Variants in SORBS2 observed in about 807,000 individuals in gnomAD.
The protein encoded by SORBS2 is sorbin and SH3 domain-containing protein 2.
Under a neutral mutation model 97.7 loss-of-function variants are expected in SORBS2, and 46 were observed. The ratio of observed to expected loss-of-function variants is 0.47; its 90% CI spans 0.37 to 0.60. The LOEUF is 0.60. Among genes scored for constraint, SORBS2 ranks in the 20% least tolerant of loss-of-function variants. The probability of loss-of-function intolerance (pLI) is 0.00; values close to 1 mark genes in which losing one functional copy is unlikely to be tolerated. For missense variants in SORBS2, 1,316 were observed against 1,282.3 expected, an observed-to-expected ratio of 1.03 and a Z score of -0.40; for synonymous variants, 476 against 473.4, an observed-to-expected ratio of 1.01 and a Z score of -0.07.
At chr4:185,719,971 A>G (rs1174592088) in intron 2 of SORBS2, among the ~76,000 whole-genome samples, 1 of 152,216 alleles carries the variant, frequency 6.6e-6, no homozygotes. Context: ...TGGGTGTGAG[A>G]GGAAATGCTG....
chr4:185,787,838 C>T (rs144744312), intron 1 of SORBS2, among the ~76,000 whole-genome samples: 56 of 152,288 alleles, frequency 3.7e-4, no homozygotes, highest in African/African-American at 1.2e-3. Flanking sequence ...TGTTATAGTT[C>T]TCACTTTTCA....
intron 1 of SORBS2, among the ~76,000 whole-genome samples, chr4:185,875,806 A>C (rs1274732215): frequency 6.6e-6 from 1 of 152,224 alleles, no homozygotes; most frequent in African/African-American, 2.4e-5. Flanking sequence ...CTTATCATAA[A>C]AGGCGTTCTA....
intron 1 of SORBS2, among the ~76,000 whole-genome samples, chr4:185,860,943 C>T (rs2099223366): frequency 6.6e-6 from 1 of 152,158 alleles, no homozygotes; most frequent in Non-Finnish European, 1.5e-5. Flanking sequence ...ATGCCAGACT[C>T]TTAGCTTATT....
intron 12 of SORBS2, among the ~76,000 whole-genome samples, chr4:185,596,748 T>G (rs1035471257): frequency 6.6e-6 from 1 of 152,048 alleles, no homozygotes; most frequent in African/African-American, 2.4e-5. Flanking sequence ...TTAGCCAGGA[T>G]GGTCTCGATC....
rs780836599 is a variant in SORBS2 at position 185,624,140 on chromosome 4, T to C, written c.989A>G (p.Tyr330Cys). The change falls in exon 7 of 15, where the codon TAC becomes TGC. Residue 330 changes from tyrosine to cysteine, a missense_variant. By Grantham distance (194) the Tyr-to-Cys change is radical. Coordinates refer to ENST00000418609, the Ensembl canonical transcript of SORBS2. The stretch of plus-strand genomic sequence containing the variant: ...GCCGTTACTGCGAACCTCCGGGACG[T>C]AGGGGGACCCCCACGCCATGGGGCA... 14 of 1,614,044 alleles carry C rather than the reference T, an allele frequency of 8.7e-6. No homozygotes were observed. In the African/African-American group the frequency reaches 1.3e-4, roughly 15 times the overall value.
rs1200094039 is a variant in SORBS2 at position 185,694,706 on chromosome 4, C to CTTTTT, written c.-197-15885_-197-15884insAAAAA. 4.7e-4 allele frequency among the ~76,000 whole-genome samples: 59 copies of CTTTTT among 124,236 alleles called. 3 individuals are homozygous for CTTTTT. The highest frequency in any genetic ancestry group is 8.0e-4 in the East Asian group (3 of 3,772). 81.5% of individuals were successfully genotyped at this position (124,236 alleles called of 152,430 possible). On this transcript the variant is annotated intron_variant, in intron 2 of 20. Coordinates refer to the SORBS2 transcript ENST00000284776. ...TTTCTTTTTCTTTTTCCTTTTCTTT[C>CTTTTT]TTTTCTTTTCTTTTTTTTGAGACGG...
Position 185,606,584 on chromosome 4 carries a change from C to T in SORBS2, c.2796+5196G>A. 1 of 985,216 alleles carries T rather than the reference C, an allele frequency of 1.0e-6. No individual in the cohort carries two copies. The highest frequency in any genetic ancestry group is 1.2e-6 in the Non-Finnish European group (1 of 829,904). 61.0% of individuals were successfully genotyped at this position (985,216 alleles called of 1,614,324 possible). On this transcript the variant is annotated intron_variant, in intron 12 of 14. Coordinates refer to ENST00000418609, the Ensembl canonical transcript of SORBS2. The surrounding 1 kb of genome is among the most constrained non-coding windows in gnomAD (Gnocchi z 4.3). Reference sequence around the variant, plus strand: ...TCCATAATCAGACAAAATTAAAATACCTCATTACTGGGTTTTGCTGCATTG... The same window carrying T: ...TCCATAATCAGACAAAATTAAAATATCTCATTACTGGGTTTTGCTGCATTG...
intron 2 of SORBS2, chr4:185,771,841 G>C (rs926668917): frequency 2.6e-5 from 4 of 152,172 alleles, no homozygotes; most frequent in Non-Finnish European, 4.4e-5. Context: ...TCAGATCTTA[G>C]TGTCCTGGGT....
At chr4:185,600,259 A>T (rs1435114093) in intron 12 of SORBS2, among the ~76,000 whole-genome samples, 1 of 152,228 alleles carries the variant, frequency 6.6e-6, no homozygotes, top group Non-Finnish European at 1.5e-5. Flanking sequence ...TGGCACCCAC[A>T]GGCACAGCAG....
intron 1 of SORBS2, among the ~76,000 whole-genome samples, chr4:185,897,589 C>A (rs747439927): frequency 6.6e-6 from 1 of 152,154 alleles, no homozygotes; most frequent in Non-Finnish European, 1.5e-5. Flanking sequence ...TTCAGCGAAC[C>A]TTCAGAGGGT....
chr4:185,674,634 G>A (rs2097767031), intron 4 of SORBS2, among the ~76,000 whole-genome samples: 1 of 152,094 alleles, frequency 6.6e-6, no homozygotes, highest in South Asian at 2.1e-4. Context: ...GGCTTATAAG[G>A]CCTCCTGTCA....
intron 4 of SORBS2, among the ~76,000 whole-genome samples, chr4:185,662,841 AC>A (rs1466333912): frequency 1.3e-5 from 2 of 152,202 alleles, no homozygotes; most frequent in Non-Finnish European, 2.9e-5. Flanking sequence ...GCTTCTCCCT[AC>A]TTCAGCCTCA....
chr4:185,765,444 G>GAT, intron 2 of SORBS2, among the ~76,000 whole-genome samples: 1 of 152,048 alleles, frequency 6.6e-6, no homozygotes, highest in Non-Finnish European at 1.5e-5. Flanking sequence ...TTATGATGTG[G>GAT]ACACAAATGA....
At position 185,684,480 on chromosome 4, in the gene SORBS2, G is replaced by A. The variant is rs1381424780; in HGVS notation, c.-197-5658C>T. On this transcript the variant is annotated intron_variant, in intron 2 of 20. Transcript: ENST00000284776. This position sits in a 1 kb window ranked among gnomAD's most constrained non-coding sequence, Gnocchi z 4.2. ...GTACCCCTGTACCCCTACCCCAAAA[G>A]TTTTTAGGTTAAAAAAAAAAACCCC... 6.6e-6 allele frequency among the ~76,000 whole-genome samples: 1 copy of A among 150,536 alleles called. No individual in the cohort carries two copies. Among genetic ancestry groups the A allele is most frequent in the Admixed American group, 6.6e-5 (1 of 15,124 alleles).
intron 1 of SORBS2, among the ~76,000 whole-genome samples, chr4:185,793,898 C>G (rs2099092927): frequency 6.6e-6 from 1 of 152,228 alleles, no homozygotes; most frequent in African/African-American, 2.4e-5. Flanking sequence ...AGCGGCCACA[C>G]CTCCTCGAAA....
chr4:185,837,630 C>G lies in SORBS2; in HGVS notation c.-337-62264G>C, dbSNP rs188192140. On this transcript the variant is annotated intron_variant, in intron 1 of 20. Transcript: ENST00000284776. The stretch of plus-strand genomic sequence containing the variant: ...CTATTTAAACTTAGAAACGGAACCT[C>G]TAATACAATTGTTAACATTCCTGCA... 4.2e-3 allele frequency among the ~76,000 whole-genome samples: 638 copies of G among 152,238 alleles called. 6 individuals carry two copies. Among genetic ancestry groups the G allele is most frequent in the Middle Eastern group, 0.01 (3 of 294 alleles).
rs1385012765 is a variant in SORBS2 at position 185,944,919 on chromosome 4, G to A, written c.-338+11277C>T. On this transcript the variant is annotated intron_variant, in intron 1 of 20. Transcript: ENST00000284776. ...TCAAACCCTGTTACAAAACCACTCT[G>A]TCACTGAATTTCTCCAATGCAGCAG... 2.0e-5 allele frequency among the ~76,000 whole-genome samples: 3 copies of A among 152,126 alleles called. No individual in the cohort carries two copies. In the East Asian group the frequency reaches 5.8e-4, roughly 29 times the overall value.
At chr4:185,910,377 C>T (rs920121087) in intron 1 of SORBS2, among the ~76,000 whole-genome samples, 1 of 152,168 alleles carries the variant, frequency 6.6e-6, no homozygotes, top group African/African-American at 2.4e-5. Context: ...CTTCAAAACC[C>T]CTTTATGAAG....
In SORBS2 at chr4:185,623,626, G is replaced by A; in HGVS notation, c.1503C>T (p.Asp501=). 6.2e-7 allele frequency: 1 copy of A among 1,614,148 alleles called. No individual in the cohort carries two copies. Among genetic ancestry groups the A allele is most frequent in the South Asian group, 1.1e-5 (1 of 91,072 alleles). Residue 501 remains aspartate, a synonymous_variant, in exon 7 of 15, where the codon GAC becomes GAT. Coordinates refer to ENST00000418609, the Ensembl canonical transcript of SORBS2. This position sits in a 1 kb window ranked among gnomAD's most constrained non-coding sequence, Gnocchi z 6.4. ...CGGACACAACCCCGTCCTGGTCGCT[G>A]TCGGAAAACTCCACGTGTGCTCGGG... is the stretch of plus-strand genomic sequence containing the variant.
Sources: gnomAD v4.1 joint callset for allele counts (sites outside exome capture counted in the v4.1 genomes callset) on GRCh38, gnomAD v4.1.1 for gene constraint, Gnocchi (gnomAD v3.1) non-coding constraint, MANE v1.5 for transcripts, NCBI Gene and HGNC (gene_info 2026-07-23, HGNC 2026-07-21) for gene names.